Variants in TRIOBP observed in about 807,000 individuals in gnomAD.
TRIOBP encodes the protein TRIO and F-actin binding protein.
Under a neutral mutation model 238.8 loss-of-function variants are expected in TRIOBP, and 169 were observed. The ratio of observed to expected loss-of-function variants is 0.71; its 90% CI spans 0.62 to 0.80. The LOEUF is 0.80. Ranked by LOEUF, TRIOBP falls within the 30% of genes least tolerant of loss-of-function variation. The pLI, the probability that TRIOBP is intolerant of heterozygous loss-of-function variation, is 0.00. For synonymous variants in TRIOBP, 1,150 were observed against 1,274.4 expected (o/e 0.90, Z 2.08); for missense variants, 2,838 against 3,122.6 (o/e 0.91, Z 2.17).
chr22:37,771,871 A>G (rs1323564214), intron 22 of TRIOBP, 135 bp downstream of exon 22: 6 of 790,322 alleles, frequency 7.6e-6, no homozygotes, highest in African/African-American at 1.7e-5. Context: ...TCTCCCATGT[A>G]GGTGTCATCA....
chr22:37,721,562 C>G (rs971232423), intron 6 of TRIOBP, among the ~76,000 whole-genome samples: 51 of 152,316 alleles, frequency 3.3e-4, no homozygotes, highest in African/African-American at 1.2e-3. Flanking sequence ...ACTGCAACCT[C>G]CACCTCCTGG....
chr22:37,763,176 C>T (rs1218089789), intron 17 of TRIOBP, among the ~76,000 whole-genome samples: 1 of 152,198 alleles, frequency 6.6e-6, no homozygotes, highest in African/African-American at 2.4e-5. Context: ...CTGGGCTCCC[C>T]ACTGGTGGAT....
chr22:37,746,515 C>A, intron 11 of TRIOBP: 1 of 1,129,196 alleles, frequency 8.9e-7, no homozygotes. Flanking sequence ...CAGCCCCCTC[C>A]TCATTTCCCG....
intron 11 of TRIOBP, among the ~76,000 whole-genome samples, chr22:37,750,426 T>C (rs3788528): frequency 0.37 from 55,694 of 152,038 alleles, 11,339 homozygotes; most frequent in East Asian, 0.6. Flanking sequence ...CTTGCTGTGG[T>C]CAAGCCCCCT....
At chr22:37,722,595 C>T (rs958180398) in intron 6 of TRIOBP, among the ~76,000 whole-genome samples, 5 of 140,366 alleles carry the variant, frequency 3.6e-5, no homozygotes, top group African/African-American at 8.0e-5. Flanking sequence ...GGCATGGTGG[C>T]GCATGCCTGT....
rs1410510940 is a variant in TRIOBP at position 37,724,649 on chromosome 22, C to A, written c.2093C>A (p.Thr698Lys). The A allele has an allele frequency of 6.2e-7, 1 of 1,611,526 alleles. No homozygotes were observed. Among genetic ancestry groups the A allele is most frequent in the East Asian group, 2.2e-5 (1 of 44,786 alleles). The change falls in exon 7 of 24, where the codon ACA becomes AAA. Residue 698 changes from threonine to lysine, a missense_variant. Physicochemically the swap from Thr to Lys is moderately conservative, Grantham distance 78 (BLOSUM62 -1). Transcript: ENST00000644935. ...ACCATCCAACAAGAGAACCCCAGAA[C>A]ATCCTGTGCCCAACGGGACGATCCC... ...SRTIQQENPR[T>K]SCAQRDDPRA...
At chr22:37,702,404 A>G (rs1177419997) in intron 3 of TRIOBP, among the ~76,000 whole-genome samples, 1 of 151,764 alleles carries the variant, frequency 6.6e-6, no homozygotes, top group Non-Finnish European at 1.5e-5. Flanking sequence ...GGGTTTCGCC[A>G]TATTGGCCAG....
chr22:37,751,624 T>C (rs1347876637), intron 11 of TRIOBP, 148 bp from the exon 12 acceptor site: 1 of 807,960 alleles, frequency 1.2e-6, no homozygotes, highest in Non-Finnish European at 2.1e-6. Flanking sequence ...GACTTGGGGG[T>C]TACCTAGGGC....
At chr22:37,768,856 A>G (rs1224140599) in intron 19 of TRIOBP, among the ~76,000 whole-genome samples, 172 bp from the exon 20 acceptor site, 1 of 152,106 alleles carries the variant, frequency 6.6e-6, no homozygotes, top group Non-Finnish European at 1.5e-5. Flanking sequence ...ACTTAGGGTA[A>G]ACACCTGTAG....
chr22:37,726,691 G>A, intron 7 of TRIOBP, 188 bp downstream of exon 7: 3 of 634,452 alleles, frequency 4.7e-6, no homozygotes, highest in South Asian at 2.5e-5. Context: ...TTTTGTGTGT[G>A]TGTGTGGTTA....
Position 37,697,070 on chromosome 22 carries a change from T to A in TRIOBP, c.-189T>A, listed in dbSNP as rs994707117. On this transcript the variant is annotated 5_prime_UTR_variant, in exon 1 of 24. Transcript: ENST00000644935. ...GGCACTCCCACCCCGGCAGCCCCTGTGCGTGGAAACCCAGCCAAGGTTAGC... is the reference window on the plus strand; with the variant it reads ...GGCACTCCCACCCCGGCAGCCCCTGAGCGTGGAAACCCAGCCAAGGTTAGC... 2 of 152,088 alleles carry A rather than the reference T, an allele frequency of 1.3e-5. No individual in the cohort carries two copies. Among genetic ancestry groups the A allele is most frequent in the Non-Finnish European group, 1.5e-5 (1 of 68,068 alleles). 9.4% of individuals were successfully genotyped at this position (152,088 alleles called of 1,614,324 possible).
intron 18 of TRIOBP, among the ~76,000 whole-genome samples, chr22:37,766,919 C>T (rs866342121): frequency 5.4e-4 from 81 of 149,678 alleles, no homozygotes; most frequent in African/African-American, 1.9e-3. Flanking sequence ...TGAGATTGCA[C>T]CACTGCACTC....
chr22:37,739,896 A>G (rs1213445610), intron 10 of TRIOBP, among the ~76,000 whole-genome samples: 2 of 152,210 alleles, frequency 1.3e-5, no homozygotes, highest in East Asian at 1.9e-4. Flanking sequence ...CGGCCCATCA[A>G]CGTGGAAAAT....
chr22:37,743,834 T>TGCTGG (rs1925071894), intron 11 of TRIOBP, among the ~76,000 whole-genome samples: 1 of 125,924 alleles, frequency 7.9e-6, no homozygotes, highest in Non-Finnish European at 1.6e-5. Flanking sequence ...TGTGTGTGTG[T>TGCTGG]GTGTGTGTGT....
At chr22:37,761,055 A>C (rs1926219508) in intron 17 of TRIOBP, among the ~76,000 whole-genome samples, 1 of 151,282 alleles carries the variant, frequency 6.6e-6, no homozygotes, top group African/African-American at 2.4e-5. Context: ...TTCCAAGGGG[A>C]GGTCACGTCA....
chr22:37,766,040 C>T (rs1019976587), intron 18 of TRIOBP, among the ~76,000 whole-genome samples: 1 of 152,200 alleles, frequency 6.6e-6, no homozygotes, highest in Admixed American at 6.5e-5. Flanking sequence ...CCCCCAACAC[C>T]ACCACTACCA....
intron 11 of TRIOBP, among the ~76,000 whole-genome samples, chr22:37,749,112 T>G (rs964042015): frequency 6.6e-6 from 1 of 152,082 alleles, no homozygotes; most frequent in African/African-American, 2.4e-5. Context: ...CCCAGCATTT[T>G]GGGAGGCTGA....
intron 17 of TRIOBP, among the ~76,000 whole-genome samples, chr22:37,765,301 AAAAC>A (rs761499894): frequency 4.5e-4 from 69 of 152,116 alleles, no homozygotes; most frequent in Non-Finnish European, 9.3e-4. Flanking sequence ...CAAAAACAAA[AAAAC>A]CACAAAATTC....
Position 37,734,415 on chromosome 22 carries a change from C to T in TRIOBP, c.4079C>T (p.Ala1360Val). ...CATCCCCAGGTGACCATGCTCCCTG[C>T]CAAACAGGCAGAACTGACCCGGCGG... ...APSRQVTMLP[A>V]KQAELTRRSQ... The change falls in exon 9 of 24, where the codon GCC (alanine) becomes GTC (valine). Residue 1360 changes from alanine (A) to valine (V), a missense_variant. Transcript: ENST00000644935. 1 of 1,613,142 alleles carries T rather than the reference C, an allele frequency of 6.2e-7. No homozygotes were observed. The highest frequency in any genetic ancestry group is 1.1e-5 in the South Asian group (1 of 91,062).
Sources: gnomAD v4.1 joint callset for allele counts (sites outside exome capture counted in the v4.1 genomes callset) on GRCh38, gnomAD v4.1.1 for gene constraint, MANE v1.5 for transcripts, NCBI Gene and HGNC (gene_info 2026-07-23, HGNC 2026-07-21) for gene names.